Variants in GALNT2 observed in about 807,000 individuals in gnomAD.
GALNT2 encodes UDP-GalNAc:polypeptide N-acetylgalactosaminyltransferase 2.
Under a neutral mutation model 81.4 loss-of-function variants are expected in GALNT2, and 31 were observed. That is an observed-to-expected ratio of 0.38 (90% CI 0.29 to 0.51). GALNT2 has a LOEUF of 0.51. GALNT2 is among the 20% of genes least tolerant of loss of function. GALNT2 has a pLI of 0.87. For missense variants in GALNT2, 629 were observed against 765.7 expected, an observed-to-expected ratio of 0.82 and a Z score of 2.11; for synonymous variants, 303 against 287.4, an observed-to-expected ratio of 1.05 and a Z score of -0.55.
At chr1:230,204,266 G>A (rs1239321464) in intron 3 of GALNT2, among the ~76,000 whole-genome samples, 1 of 151,732 alleles carries the variant, frequency 6.6e-6, no homozygotes, top group Non-Finnish European at 1.5e-5. Context: ...TACTTCCCAG[G>A]TTCAAGCAAT....
chr1:230,086,559 C>G (rs1431789816), intron 1 of GALNT2, among the ~76,000 whole-genome samples: 1 of 152,168 alleles, frequency 6.6e-6, no homozygotes, highest in East Asian at 1.9e-4. Context: ...AGGAGGAAAA[C>G]AGCTGTAAAG....
upstream of GALNT2, among the ~76,000 whole-genome samples, chr1:230,065,608 C>A (rs899420280): frequency 6.6e-6 from 1 of 152,058 alleles, no homozygotes; most frequent in African/African-American, 2.4e-5. Flanking sequence ...TCTTTAAATG[C>A]AGTTGATTTG....
chr1:230,149,466 C>T (rs998192353), intron 1 of GALNT2, among the ~76,000 whole-genome samples: 2 of 152,090 alleles, frequency 1.3e-5, no homozygotes, highest in Non-Finnish European at 2.9e-5. Context: ...TTAGGTCTGG[C>T]GTTGAGGGCA....
chr1:230,115,577 C>T (rs546496365), intron 1 of GALNT2, among the ~76,000 whole-genome samples: 21 of 152,250 alleles, frequency 1.4e-4, no homozygotes, highest in African/African-American at 4.3e-4. Context: ...GAGTCATAGT[C>T]TTTTTGCCCA....
At chr1:230,137,311 A>G (rs1188142242) in intron 1 of GALNT2, among the ~76,000 whole-genome samples, 5 of 152,226 alleles carry the variant, frequency 3.3e-5, no homozygotes, top group Non-Finnish European at 7.3e-5. Flanking sequence ...GACAGCCTGC[A>G]CAGAGGTGGT....
intron 1 of GALNT2, among the ~76,000 whole-genome samples, chr1:230,096,442 G>T (rs755979884): frequency 3.3e-5 from 5 of 152,140 alleles, no homozygotes; most frequent in Non-Finnish European, 5.9e-5. Flanking sequence ...GAGGCCAGAG[G>T]TGTCTGCGTC....
intron 2 of GALNT2, among the ~76,000 whole-genome samples, chr1:230,179,610 G>A (rs1663095807): frequency 6.6e-6 from 1 of 152,064 alleles, no homozygotes; most frequent in Non-Finnish European, 1.5e-5. Flanking sequence ...CTTTTCTGAG[G>A]TGTTCACTCC....
At chr1:230,138,058 C>T (rs887167197) in intron 1 of GALNT2, among the ~76,000 whole-genome samples, 8 of 152,146 alleles carry the variant, frequency 5.3e-5, no homozygotes, top group Non-Finnish European at 1.2e-4. Flanking sequence ...CATGTCGTTG[C>T]GTGCGTCTTT....
chr1:230,125,976 G>A (rs988405070), intron 1 of GALNT2, among the ~76,000 whole-genome samples: 4 of 152,226 alleles, frequency 2.6e-5, no homozygotes, highest in African/African-American at 9.6e-5. Context: ...CTCAGAGGTT[G>A]GGTGGAGGCA....
At chr1:230,185,301 T>TGTGTGCGCGC (rs58770415) in intron 2 of GALNT2, among the ~76,000 whole-genome samples, 1,367 of 126,016 alleles carry the variant, frequency 0.011, 17 homozygotes, top group East Asian at 0.062. Context: ...TGTGTGTGTG[T>TGTGTGCGCGC]GCGCGCGTGT....
At chr1:230,135,082 G>C (rs1188599446) in intron 1 of GALNT2, among the ~76,000 whole-genome samples, 1 of 152,016 alleles carries the variant, frequency 6.6e-6, no homozygotes, top group Non-Finnish European at 1.5e-5. Context: ...GCCTTTAGGT[G>C]CTAAGGGTTG....
At chr1:230,109,687 G>T (rs1660646247) in intron 1 of GALNT2, among the ~76,000 whole-genome samples, 1 of 152,202 alleles carries the variant, frequency 6.6e-6, no homozygotes, top group African/African-American at 2.4e-5. Context: ...AATTAGCTGG[G>T]CGTGGTGGCA....
At chr1:230,278,112 C>CTT (rs34767763) in intron 15 of GALNT2, among the ~76,000 whole-genome samples, 33 of 121,170 alleles carry the variant, frequency 2.7e-4, no homozygotes, top group East Asian at 2.6e-3. Context: ...GTTTTTCTTT[C>CTT]TTTTTTTTTT....
At chr1:230,163,813 T>A (rs1662512640) in intron 1 of GALNT2, among the ~76,000 whole-genome samples, 1 of 152,218 alleles carries the variant, frequency 6.6e-6, no homozygotes, top group Non-Finnish European at 1.5e-5. Flanking sequence ...CCACTGACTG[T>A]CTTGGCTGCT....
intron 1 of GALNT2, among the ~76,000 whole-genome samples, chr1:230,117,776 T>A (rs191578782): frequency 6.6e-6 from 1 of 152,330 alleles, no homozygotes; most frequent in Non-Finnish European, 1.5e-5. Context: ...AAATGTGACA[T>A]ATAGACATGA....
intron 3 of GALNT2, among the ~76,000 whole-genome samples, chr1:230,225,091 A>T (rs774085899): frequency 6.6e-6 from 1 of 152,224 alleles, no homozygotes; most frequent in Admixed American, 6.5e-5. Context: ...AAAGACCTCT[A>T]TAGAAATAAA....
chr1:230,099,565 G>T (rs1314035206), intron 1 of GALNT2, among the ~76,000 whole-genome samples: 1 of 152,236 alleles, frequency 6.6e-6, no homozygotes, highest in African/African-American at 2.4e-5. Flanking sequence ...CAGCTGGGAA[G>T]CCTGGTTTGA....
chr1:230,162,812 G>A (rs896172578), intron 1 of GALNT2, among the ~76,000 whole-genome samples: 3 of 152,210 alleles, frequency 2.0e-5, no homozygotes. Flanking sequence ...TAGATGGACA[G>A]GCCTTGCTGG....
chr1:230,197,197 C>T (rs954562264), intron 2 of GALNT2, among the ~76,000 whole-genome samples: 9 of 152,070 alleles, frequency 5.9e-5, no homozygotes, highest in African/African-American at 2.2e-4. Flanking sequence ...CCAGGTGTTT[C>T]TTGGGAGCAG....
Sources: gnomAD v4.1 joint callset for allele counts (sites outside exome capture counted in the v4.1 genomes callset) on GRCh38, gnomAD v4.1.1 for gene constraint, MANE v1.5 for transcripts, NCBI Gene and HGNC (gene_info 2026-07-23, HGNC 2026-07-21) for gene names.